The following MDM4 variants were observed in gnomAD, a reference collection of about 807,000 sequenced individuals.
MDM4 encodes the protein MDM4 regulator of p53.
MDM4 carries 2 observed loss-of-function variants against 60.2 expected under a neutral mutation model. The ratio of observed to expected loss-of-function variants is 0.03; its 90% CI spans 0.01 to 0.10. The LOEUF (loss-of-function observed/expected upper bound fraction) is 0.10. Ranked by LOEUF, MDM4 falls within the 10% of genes least tolerant of loss-of-function variation. The probability of loss-of-function intolerance (pLI) is 1.00; values close to 1 mark genes in which losing one functional copy is unlikely to be tolerated. For synonymous variants in MDM4, 202 were observed against 198.1 expected (o/e 1.02, Z -0.17); for missense variants, 447 against 577.5 (o/e 0.77, Z 2.32).
In MDM4 at chr1:204,537,994, T is replaced by G. The variant is rs745497787; in HGVS notation, c.412-215T>G. ...TAGATTTTGGCCTTTGTGCAGAGGT[T>G]TTTTTTCCCCCCAGGTTTGGGATTC... On this transcript the variant is annotated intron_variant, in intron 6 of 10. Transcript: ENST00000367182. 3.2e-5 allele frequency: 24 copies of G among 756,074 alleles called. No individual in the cohort carries two copies. In the East Asian group the frequency reaches 6.1e-4, roughly 19 times the overall value. The allele number at this position is 756,074 out of a possible 1,614,324, so 46.8% of individuals were successfully genotyped here. A position where few individuals can be genotyped will look rare whatever the true frequency, so the allele number is the denominator to read the frequency against.
chr1:204,537,958 GT>G, intron 6 of MDM4: 1 of 728,450 alleles, frequency 1.4e-6, no homozygotes, highest in Non-Finnish European at 2.6e-6. Context: ...CAGATAGCCT[GT>G]TTTTAACAGT....
intron 7 of MDM4, among the ~76,000 whole-genome samples, 193 bp from the exon 8 acceptor site, chr1:204,542,591 T>G (rs758141712): frequency 1.3e-5 from 2 of 152,218 alleles, no homozygotes; most frequent in Non-Finnish European, 2.9e-5. Flanking sequence ...TGTCATTACT[T>G]GCTAATGAAG....
At chr1:204,549,076 C>A in intron 10 of MDM4, 37 bp from the exon 11 acceptor site, 2 of 1,246,878 alleles carry the variant, frequency 1.6e-6, no homozygotes, top group Non-Finnish European at 2.3e-6. Context: ...ATCATATTAA[C>A]CCCCTGAGTA....
At chr1:204,518,486 C>G (rs928424098) in intron 1 of MDM4, among the ~76,000 whole-genome samples, 1 of 152,172 alleles carries the variant, frequency 6.6e-6, no homozygotes, top group African/African-American at 2.4e-5. Flanking sequence ...TAGTAACTTG[C>G]AGTTAGTAGG....
At chr1:204,537,165 T>C (rs1021019596) in intron 5 of MDM4, 14 of 443,090 alleles carry the variant, frequency 3.2e-5, no homozygotes, top group Admixed American at 2.4e-4. Flanking sequence ...AAGCTTGATA[T>C]GGAAGAACAT....
At chr1:204,520,398 G>A (rs1372584250) in intron 1 of MDM4, among the ~76,000 whole-genome samples, 2 of 145,474 alleles carry the variant, frequency 1.4e-5, no homozygotes, top group African/African-American at 2.6e-5. Flanking sequence ...ATAATTAAGA[G>A]CAACTAAACT....
intron 4 of MDM4, among the ~76,000 whole-genome samples, chr1:204,531,943 C>A (rs188586362): frequency 2.0e-4 from 31 of 152,198 alleles, no homozygotes; most frequent in Non-Finnish European, 3.2e-4. Context: ...GATTACTGTT[C>A]GCTAATGAAA....
rs766754812 is a variant in MDM4, at chr1:204,530,833, G to T, written c.287+16G>T. ...AAGACCCAAGGTAAAAACAGTGAGG[G>T]CTTGCGTATCTTTTTGGGTGCTTAT... On this transcript the variant is annotated intron_variant, in intron 4 of 10. Coordinates refer to ENST00000367182, the MANE Select transcript of MDM4 (RefSeq NM_002393.5). 5 of 1,613,938 alleles carry T rather than the reference G, an allele frequency of 3.1e-6. No homozygotes were observed. In the South Asian group the frequency reaches 5.5e-5, roughly 18 times the overall value.
chr1:204,525,487 T>C lies in MDM4; in HGVS notation c.-32T>C. 3.8e-6 allele frequency: 6 copies of C among 1,582,532 alleles called. No homozygotes were observed. The highest frequency in any genetic ancestry group is 5.1e-6 in the Non-Finnish European group (6 of 1,171,926). ...ATAAATTTTTTTTTCTATTTAGTTTTACCAACAGACTGCAGTTTCTTCACT... is the reference window on the plus strand; with the variant it reads ...ATAAATTTTTTTTTCTATTTAGTTTCACCAACAGACTGCAGTTTCTTCACT... On this transcript the variant is annotated 5_prime_UTR_variant, in exon 2 of 11. Transcript: ENST00000367182.
At chr1:204,548,390 C>G (rs190590908) in intron 10 of MDM4, among the ~76,000 whole-genome samples, 1 of 152,182 alleles carries the variant, frequency 6.6e-6, no homozygotes, top group Non-Finnish European at 1.5e-5. Context: ...TAAAAGTAAT[C>G]AAGTTCAGCT....
rs1013669272 is a variant in MDM4, at chr1:204,545,001, G to A, written c.822+317G>A. ...AACCCACAGCCTGTGGACCACATGC[G>A]GCCCAGAACAACTTTGAATCAACAC... On this transcript the variant is annotated intron_variant, in intron 9 of 10. Transcript: ENST00000367182. 4.6e-5 allele frequency among the ~76,000 whole-genome samples: 7 copies of A among 152,094 alleles called. No homozygotes were observed. The South Asian group carries it at 1.0e-3, about 23-fold the overall frequency.
rs1037317720 is a variant in MDM4, at chr1:204,556,721, C to T, written c.*7039C>T. 9.4e-6 allele frequency: 2 copies of T among 212,954 alleles called. No individual in the cohort carries two copies. The highest frequency in any genetic ancestry group is 1.9e-5 in the Non-Finnish European group (2 of 105,332). The allele number at this position is 212,954 out of a possible 1,614,324, so 13.2% of individuals were successfully genotyped here. On this transcript the variant is annotated 3_prime_UTR_variant, in exon 11 of 11. Transcript: ENST00000367182. ...AAATTGAGGTCAGGCTTCCTTCTTA[C>T]AGAATTATTTTTTTCTCTGTAGTTT... is the stretch of plus-strand genomic sequence containing the variant.
intron 2 of MDM4, 44 bp from the exon 3 acceptor site, chr1:204,526,316 C>A (rs369430309): frequency 2.6e-6 from 4 of 1,515,754 alleles, no homozygotes; most frequent in African/African-American, 2.8e-5. Flanking sequence ...TTTCAGAAAC[C>A]TACTTGAAAT....
chr1:204,541,208 C>T (rs1191492728), intron 7 of MDM4, among the ~76,000 whole-genome samples: 6 of 152,014 alleles, frequency 3.9e-5, no homozygotes, highest in Non-Finnish European at 7.4e-5. Context: ...CCTGTAATCC[C>T]AGCACTTTGG....
chr1:204,527,465 C>T (rs538738550), intron 3 of MDM4, among the ~76,000 whole-genome samples: 117 of 152,188 alleles, frequency 7.7e-4, no homozygotes, highest in South Asian at 1.2e-3. Context: ...ACCAGCCTGA[C>T]CAACATGGAG....
rs1558341326 is a variant in MDM4 at position 204,551,459 on chromosome 1, C to CTTTTTTT, written c.*1778_*1779insTTTTTTT. 6.6e-6 allele frequency: 1 copy of CTTTTTTT among 151,176 alleles called. No individual in the cohort carries two copies. The highest frequency in any genetic ancestry group is 1.0e-4 in the East Asian group (1 of 9,546). The allele number at this position is 151,176 out of a possible 1,614,324, so 9.4% of individuals were successfully genotyped here. A position where few individuals can be genotyped will look rare whatever the true frequency, so the allele number is the denominator to read the frequency against. On this transcript the variant is annotated 3_prime_UTR_variant, in exon 11 of 11. Coordinates refer to ENST00000367182, the MANE Select transcript of MDM4 (RefSeq NM_002393.5). ...ATATACTGGATGGTTGAGAGGCAGCCTCTTTTTTTTTTTTTTTTTTTTTTT... is the reference window on the plus strand; with the variant it reads ...ATATACTGGATGGTTGAGAGGCAGCCTTTTTTTTCTTTTTTTTTTTTTTTTTTTTTTT...
intron 1 of MDM4, among the ~76,000 whole-genome samples, chr1:204,523,999 A>C (rs1659853099): frequency 6.6e-6 from 1 of 152,100 alleles, no homozygotes; most frequent in Admixed American, 6.5e-5. Flanking sequence ...TGGCGGGAAG[A>C]ACAGTTACAG....
intron 4 of MDM4, 46 bp from the exon 5 acceptor site, chr1:204,532,145 T>C (rs763926374): frequency 9.0e-7 from 1 of 1,109,694 alleles, no homozygotes. Flanking sequence ...GATATCTTCA[T>C]AGTGGCATTT....
intron 4 of MDM4, among the ~76,000 whole-genome samples, chr1:204,531,207 A>C: frequency 6.6e-6 from 1 of 152,338 alleles, no homozygotes; most frequent in Non-Finnish European, 1.5e-5. Context: ...TTAAGTAGTC[A>C]ATCAGAGAGT....
Sources: allele counts gnomAD v4.1 joint callset (sites outside exome capture counted in the v4.1 genomes callset), GRCh38; gene constraint gnomAD v4.1.1; transcripts MANE v1.5; gene names NCBI Gene and HGNC (gene_info 2026-07-23, HGNC 2026-07-21).